The following KDM5C variants were observed in gnomAD, a reference collection of about 807,000 sequenced individuals.
KDM5C encodes lysine-specific demethylase 5C.
In KDM5C, 16 loss-of-function variants were observed where a neutral mutation model predicts 110.6. The observed-to-expected ratio is 0.14, with a 90% CI of 0.10 to 0.22. The LOEUF (loss-of-function observed/expected upper bound fraction) is 0.22, where lower values mean the gene tolerates loss of function less well. KDM5C is among the 10% of genes least tolerant of loss of function. The probability of loss-of-function intolerance (pLI) is 1.00; values close to 1 mark genes in which losing one functional copy is unlikely to be tolerated. For missense variants in KDM5C, 681 were observed against 1,300.9 expected, an observed-to-expected ratio of 0.52 and a Z score of 7.33; for synonymous variants, 511 against 520.4, an observed-to-expected ratio of 0.98 and a Z score of 0.24.
chrX:53,195,454 C>T (rs1160892931), intron 20 of KDM5C, 44 bp from the exon 21 acceptor site: 2 of 1,093,488 alleles, frequency 1.8e-6, no homozygotes, highest in South Asian at 1.9e-5. Flanking sequence ...CTTGCCAATG[C>T]TATTGATGCT....
intron 8 of KDM5C, chrX:53,214,478 C>T (rs2073684522): frequency 4.5e-6 from 2 of 441,836 alleles, no homozygotes; most frequent in Middle Eastern, 6.3e-4. Context: ...AATTATGATG[C>T]TTACCTCTCC....
In KDM5C at chrX:53,201,926, G is replaced by C. The variant is rs35353912; in HGVS notation, c.1794C>G (p.Pro598=). The change falls in exon 13 of 26, where the codon CCC becomes CCG. Residue 598 remains proline, a synonymous_variant. Transcript: ENST00000375401. ...QCAGEFVITF[P]RAYHSGFNQG... ...GGTTGAAGCCGCTGTGGTAAGCACG[G>C]GGGAAGGTGATGACAAACTCTCCTG... 6.9e-4 allele frequency: 835 copies of C among 1,210,528 alleles called. 6 individuals are homozygous for C. The African/African-American group carries it at 0.013, about 19-fold the overall frequency.
chrX:53,194,097 G>T (rs1934634067), intron 23 of KDM5C, 42 bp downstream of exon 23: 3 of 1,179,535 alleles, frequency 2.5e-6, no homozygotes, highest in Non-Finnish European at 3.4e-6. Flanking sequence ...TAGGGGCTAG[G>T]AGACAAGAAT....
intron 14 of KDM5C, among the ~76,000 whole-genome samples, chrX:53,200,491 G>C (rs1218197322): frequency 9.0e-6 from 1 of 111,291 alleles, no homozygotes; most frequent in African/African-American, 3.3e-5. Context: ...CCCACAGCTT[G>C]GCACAGCCAC....
intron 25 of KDM5C, among the ~76,000 whole-genome samples, chrX:53,184,462 G>A (rs1450614090): frequency 9.0e-6 from 1 of 110,542 alleles, no homozygotes; most frequent in African/African-American, 3.3e-5. Flanking sequence ...AGCTGGTCTC[G>A]AACTCCTGGC....
In KDM5C at chrX:53,184,516, A is replaced by G. The variant is rs191883113; in HGVS notation, c.4309-7894T>C. Among the ~76,000 whole-genome samples, 243 of 111,884 alleles carry G rather than the reference A, an allele frequency of 2.2e-3. 4 individuals are homozygous for G. The Middle Eastern group carries it at 0.023, about 11-fold the overall frequency. ...CTCAGCCTCCCAAAGTGCTGGGATC[A>G]TAAGTGTTGGCTACCACACCCAGCC... On this transcript the variant is annotated intron_variant, in intron 25 of 25. Coordinates refer to the KDM5C transcript ENST00000685641.
chrX:53,190,847 AGAT>A (rs1161037367), downstream of KDM5C, among the ~76,000 whole-genome samples: 2 of 111,940 alleles, frequency 1.8e-5, no homozygotes, highest in African/African-American at 3.3e-5. Context: ...ATGAACGTTC[AGAT>A]GAGAAAGCAA....
intron 3 of KDM5C, 140 bp downstream of exon 3, chrX:53,218,136 C>A: frequency 1.1e-6 from 1 of 881,160 alleles, no homozygotes; most frequent in South Asian, 2.1e-5. Flanking sequence ...CCAAGATGTT[C>A]TGATGACAGC....
At chrX:53,183,300 T>C (rs1027036165) in intron 25 of KDM5C, among the ~76,000 whole-genome samples, 4 of 104,368 alleles carry the variant, frequency 3.8e-5, no homozygotes, top group Non-Finnish European at 5.9e-5. Flanking sequence ...GCTGGGTGTA[T>C]TGGCACATGC....
chrX:53,207,854 C>T (rs968800102), intron 12 of KDM5C, among the ~76,000 whole-genome samples: 1 of 107,978 alleles, frequency 9.3e-6, no homozygotes, highest in African/African-American at 3.4e-5. Flanking sequence ...GAGGCTGAGG[C>T]CGGGTAATCA....
intron 25 of KDM5C, among the ~76,000 whole-genome samples, chrX:53,180,787 C>A (rs180963903): frequency 0.022 from 1,733 of 80,600 alleles, 39 homozygotes; most frequent in Middle Eastern, 0.08. Context: ...AGTGCAGTGG[C>A]GCGATCTCGG....
intron 12 of KDM5C, among the ~76,000 whole-genome samples, chrX:53,207,968 CAAAAAAAAAA>C (rs781945536): frequency 3.6e-4 from 11 of 30,598 alleles, no homozygotes; most frequent in African/African-American, 1.3e-3. Flanking sequence ...GACTCTGTCT[CAAAAAAAAAA>C]AAAAAAAAAA....
chrX:53,198,395 C>A, intron 17 of KDM5C, 95 bp downstream of exon 17: 1 of 1,052,489 alleles, frequency 9.5e-7, no homozygotes, highest in Non-Finnish European at 1.3e-6. Flanking sequence ...GTCCATTCTG[C>A]CAAATGGTAT....
intron 8 of KDM5C, among the ~76,000 whole-genome samples, chrX:53,213,855 A>G (rs1269455322): frequency 8.9e-6 from 1 of 112,281 alleles, no homozygotes; most frequent in African/African-American, 3.2e-5. Context: ...AGATAGTTAC[A>G]TATAAGTAAC....
intron 1 of KDM5C, 85 bp from the exon 2 acceptor site, chrX:53,221,001 A>G (rs2073880841): frequency 6.1e-6 from 5 of 816,119 alleles, no homozygotes; most frequent in Non-Finnish European, 9.2e-6. Flanking sequence ...TCGGAATCCC[A>G]CTGGCACCTT....
intron 5 of KDM5C, 99 bp from the exon 6 acceptor site, chrX:53,216,296 G>C: frequency 9.1e-7 from 1 of 1,104,020 alleles, no homozygotes; most frequent in Non-Finnish European, 1.2e-6. Context: ...CTGATCTCAT[G>C]CTGAGGGCTG....
chrX:53,214,549 C>T lies in KDM5C; in HGVS notation c.1122+140G>A. 4.5e-6 allele frequency: 3 copies of T among 662,046 alleles called. No homozygotes were observed. The South Asian group carries it at 8.6e-5, about 19-fold the overall frequency. The allele number at this position is 662,046 out of a possible 1,213,427, so 54.6% of individuals were successfully genotyped here. A position where few individuals can be genotyped will look rare whatever the true frequency, so the allele number is the denominator to read the frequency against. The stretch of plus-strand genomic sequence containing the variant: ...GGCTGAATCTCCTGCTCCTTTCTCC[C>T]AAAGCTCTGCCCAGCCTAATCCCAC... On this transcript the variant is annotated intron_variant, in intron 8 of 25. Coordinates refer to ENST00000375401, the MANE Select transcript of KDM5C (RefSeq NM_004187.5).
Position 53,192,861 on chromosome X carries a change from A to ACCCCCGC in KDM5C, c.*105_*106insGCGGGGG. On this transcript the variant is annotated 3_prime_UTR_variant, in exon 26 of 26. Coordinates refer to ENST00000375401, the MANE Select transcript of KDM5C (RefSeq NM_004187.5). The stretch of plus-strand genomic sequence containing the variant: ...GGGTGGGCGGGTAGCAGGGATGGCC[A>ACCCCCGC]CCCCCCTACCCGCCCACCCCCCAAG... The ACCCCCGC allele has an allele frequency of 6.0e-6, 3 of 502,009 alleles. No homozygotes were observed. The highest frequency in any genetic ancestry group is 8.6e-6 in the Non-Finnish European group (3 of 347,651). The allele number at this position is 502,009 out of a possible 1,213,427, so 41.4% of individuals were successfully genotyped here.
chrX:53,220,934 G>A lies in KDM5C; in HGVS notation c.151-18C>T, dbSNP rs782810801. 5 of 1,178,190 alleles carry A rather than the reference G, an allele frequency of 4.2e-6. No homozygotes were observed. Among genetic ancestry groups the A allele is most frequent in the Non-Finnish European group, 5.8e-6 (5 of 867,148 alleles). On this transcript the variant is annotated intron_variant, in intron 1 of 25. Transcript: ENST00000375401. ...TGCCAGTCCTGAGAGGGTAGAGAGG[G>A]GAAAGGGACTTGAGTTATCTCAGCA...
Sources: gnomAD v4.1 joint callset for allele counts (sites outside exome capture counted in the v4.1 genomes callset) on GRCh38, gnomAD v4.1.1 for gene constraint, MANE v1.5 for transcripts, NCBI Gene and HGNC (gene_info 2026-07-23, HGNC 2026-07-21) for gene names.